Variants in DPH6 observed in about 807,000 individuals in gnomAD.
The protein encoded by DPH6 is diphthine--ammonia ligase.
A neutral mutation model predicts 38.2 loss-of-function variants in DPH6; 33 were observed. The observed-to-expected ratio is 0.86, with a 90% confidence interval of 0.65 to 1.15. The LOEUF (loss-of-function observed/expected upper bound fraction) is 1.15. Ranked by LOEUF, DPH6 falls within the 50% of genes most tolerant of loss-of-function variation. The pLI is 0.00. For synonymous variants in DPH6, 108 were observed against 103.0 expected, an observed-to-expected ratio of 1.05 and a Z score of -0.30; for missense variants, 325 against 320.0, an observed-to-expected ratio of 1.02 and a Z score of -0.12.
chr15:35,456,707 C>T (rs1173538501), intron 3 of DPH6, among the ~76,000 whole-genome samples: 3 of 151,808 alleles, frequency 2.0e-5, no homozygotes, highest in Admixed American at 6.6e-5. Flanking sequence ...AGGCTGGTCT[C>T]GAACTCCTGA....
intron 3 of DPH6, among the ~76,000 whole-genome samples, chr15:35,314,851 A>G (rs2052174788): frequency 6.6e-6 from 1 of 152,204 alleles, no homozygotes; most frequent in Admixed American, 6.5e-5. Flanking sequence ...ACATGCGATG[A>G]AAAGTGGATT....
intron 6 of DPH6, among the ~76,000 whole-genome samples, chr15:35,395,915 T>A (rs2053125726): frequency 6.6e-6 from 1 of 152,160 alleles, no homozygotes; most frequent in Non-Finnish European, 1.5e-5. Flanking sequence ...TTCTTACACA[T>A]ACTTATCATT....
At chr15:35,192,429 G>C in the DPH6 span, among the ~76,000 whole-genome samples, 3 of 152,070 alleles carry the variant, frequency 2.0e-5, no homozygotes, top group Non-Finnish European at 4.4e-5. Flanking sequence ...CTTTTTGTAG[G>C]TGGTAGTCCA....
At chr15:35,393,207 G>T (rs1345467731) in intron 6 of DPH6, among the ~76,000 whole-genome samples, 1 of 152,134 alleles carries the variant, frequency 6.6e-6, no homozygotes, top group Non-Finnish European at 1.5e-5. Flanking sequence ...GGAGGTGAAG[G>T]TTTCCCAAGC....
intron 3 of DPH6, chr15:35,237,795 AC>A (rs1300356784): frequency 1.4e-5 from 23 of 1,597,184 alleles, no homozygotes; most frequent in Non-Finnish European, 1.8e-5. Flanking sequence ...GAGGCCCCTA[AC>A]TTGGATGCTG....
intron 3 of DPH6, among the ~76,000 whole-genome samples, chr15:35,528,806 T>C (rs1432463167): frequency 5.3e-5 from 8 of 152,208 alleles, no homozygotes; most frequent in South Asian, 2.1e-4. Context: ...ATCTATTATA[T>C]TCTAGGCTCT....
At chr15:35,290,240 T>C (rs954547434) in intron 3 of DPH6, among the ~76,000 whole-genome samples, 1 of 152,196 alleles carries the variant, frequency 6.6e-6, no homozygotes, top group Admixed American at 6.5e-5. Context: ...CATTAAGGTA[T>C]TACAAAGAAG....
chr15:35,435,699 G>T (rs1044119910), intron 5 of DPH6, among the ~76,000 whole-genome samples: 1 of 152,108 alleles, frequency 6.6e-6, no homozygotes, highest in African/African-American at 2.4e-5. Context: ...TCTTGGTTGT[G>T]AGACAAGAAC....
intron 3 of DPH6, among the ~76,000 whole-genome samples, chr15:35,524,707 T>G (rs1219358732): frequency 6.6e-6 from 1 of 152,192 alleles, no homozygotes; most frequent in Admixed American, 6.5e-5. Context: ...ATAGAGCTTA[T>G]AGCAGTTATC....
At chr15:35,524,766 G>A (rs2054973868) in intron 3 of DPH6, among the ~76,000 whole-genome samples, 1 of 152,100 alleles carries the variant, frequency 6.6e-6, no homozygotes, top group South Asian at 2.1e-4. Flanking sequence ...ATAAGTCACA[G>A]AAAACTGAAA....
chr15:35,249,105 C>T (rs1265248597), intron 3 of DPH6, among the ~76,000 whole-genome samples: 3 of 152,040 alleles, frequency 2.0e-5, no homozygotes, highest in Admixed American at 6.5e-5. Context: ...AAAAGTAGTC[C>T]ATACAAAGAC....
chr15:35,262,705 C>CA lies in DPH6; in HGVS notation n.201-42124dup, dbSNP rs58580024. ...TGCGAAACAGAGCAAGACTCCGTCT[C>CA]AAAAAAAAAAAAAAAAAAAAAAAAA... is the stretch of plus-strand genomic sequence containing the variant. On this transcript the variant is annotated intron_variant and non_coding_transcript_variant, in intron 3 of 3. Coordinates refer to the DPH6 transcript ENST00000560386. Among the ~76,000 whole-genome samples, 105 of 82,616 alleles carry CA rather than the reference C, an allele frequency of 1.3e-3. 4 individuals carry two copies. The highest frequency in any genetic ancestry group is 2.2e-3 in the African/African-American group (34 of 15,716). The allele number at this position is 82,616 out of a possible 152,430, so 54.2% of individuals were successfully genotyped here. A position where few individuals can be genotyped will look rare whatever the true frequency, so the allele number is the denominator to read the frequency against.
At chr15:35,436,308 T>C (rs1206814817) in intron 5 of DPH6, among the ~76,000 whole-genome samples, 2 of 150,642 alleles carry the variant, frequency 1.3e-5, no homozygotes, top group Non-Finnish European at 2.9e-5. Flanking sequence ...CTACTAAAAA[T>C]ACAAAAAATT....
At chr15:35,275,439 A>T (rs1231790781) in intron 3 of DPH6, among the ~76,000 whole-genome samples, 1 of 152,154 alleles carries the variant, frequency 6.6e-6, no homozygotes, top group Non-Finnish European at 1.5e-5. Flanking sequence ...TTCTCAGCAA[A>T]CTAACACAGG....
chr15:35,485,000 GA>G (rs927646977), intron 3 of DPH6, among the ~76,000 whole-genome samples: 9 of 150,802 alleles, frequency 6.0e-5, no homozygotes, highest in South Asian at 2.1e-4. Context: ...GTCACTAAAT[GA>G]AAAAAAAATT....
At position 35,378,457 on chromosome 15, in the gene DPH6, C is replaced by T. The variant is rs554776456; in HGVS notation, c.662+3365G>A. ...ATCTAGACCTAGAAATACCATTTGA[C>T]GCAGCAATCCCATTACTAAGTATAT... On this transcript the variant is annotated intron_variant, in intron 7 of 8. Transcript: ENST00000256538. Among the ~76,000 whole-genome samples the T allele has an allele frequency of 5.3e-4, 80 of 152,248 alleles. 1 individual carries two copies. The highest frequency in any genetic ancestry group is 1.8e-3 in the African/African-American group (73 of 41,548).
chr15:35,339,223 A>G (rs1266213125), intron 3 of DPH6, among the ~76,000 whole-genome samples: 1 of 151,390 alleles, frequency 6.6e-6, no homozygotes, highest in Non-Finnish European at 1.5e-5. Flanking sequence ...TTTCCCTCTT[A>G]ACACTGTTTT....
At chr15:35,496,979 A>AC (rs2054566969) in intron 3 of DPH6, among the ~76,000 whole-genome samples, 1 of 152,044 alleles carries the variant, frequency 6.6e-6, no homozygotes, top group Non-Finnish European at 1.5e-5. Flanking sequence ...AACCTCTTAC[A>AC]CTGAAGCCCC....
the DPH6 span, among the ~76,000 whole-genome samples, chr15:35,188,945 T>C: frequency 6.6e-6 from 1 of 152,192 alleles, no homozygotes; most frequent in African/African-American, 2.4e-5. Flanking sequence ...ATTTGAAGCA[T>C]TAAAAGCCTG....
Sources: allele counts gnomAD v4.1 joint callset (sites outside exome capture counted in the v4.1 genomes callset), GRCh38; gene constraint gnomAD v4.1.1; transcripts MANE v1.5; gene names NCBI Gene and HGNC (gene_info 2026-07-23, HGNC 2026-07-21).